RAB7B: variants seen among roughly 807,000 people sequenced by gnomAD.
The protein encoded by RAB7B is RAB7B, member RAS oncogene family.
In RAB7B at chr1:205,988,354, G is replaced by A. The variant is rs1314436357; in HGVS notation, c.397-2689C>T. On this transcript the variant is annotated intron_variant, in intron 4 of 5. Transcript: ENST00000617070. ...AGCGATCCTCCCAGCTCAGCCTTCC[G>A]AGTAGTTCAGACTACAGGTGTGCCA... Among the ~76,000 whole-genome samples, 11 of 150,388 alleles carry A rather than the reference G, an allele frequency of 7.3e-5. No individual in the cohort carries two copies. In the East Asian group the frequency reaches 1.0e-3, roughly 14 times the overall value.
At position 205,987,114 on chromosome 1, in the gene RAB7B, C is replaced by T. The variant is rs992547568; in HGVS notation, c.397-1449G>A. Among the ~76,000 whole-genome samples, 16 of 152,276 alleles carry T rather than the reference C, an allele frequency of 1.1e-4. No homozygotes were observed. The South Asian group carries it at 3.3e-3, about 32-fold the overall frequency. On this transcript the variant is annotated intron_variant, in intron 4 of 5. Transcript: ENST00000617070. Reference sequence around the variant, plus strand: ...TCATTGTGATTATGTTGCAAATTAACATTCTTTTTATATCTCCCCCTCCTC... The same window carrying T: ...TCATTGTGATTATGTTGCAAATTAATATTCTTTTTATATCTCCCCCTCCTC...
chr1:205,988,496 A>G lies in RAB7B; in HGVS notation c.397-2831T>C, dbSNP rs1660657547. Among the ~76,000 whole-genome samples, 5 of 152,268 alleles carry G rather than the reference A, an allele frequency of 3.3e-5. No homozygotes were observed. In the South Asian group the frequency reaches 1.0e-3, roughly 32 times the overall value. Reference sequence around the variant, plus strand: ...GCTATCCCCCGACTTTGGTCTCCCAAGGTGTTGGGATTACAGGCGTGAGCC... The same window carrying G: ...GCTATCCCCCGACTTTGGTCTCCCAGGGTGTTGGGATTACAGGCGTGAGCC... On this transcript the variant is annotated intron_variant, in intron 4 of 5. Transcript: ENST00000617070.
chr1:205,984,407 G>A (rs1256819459), intron 5 of RAB7B, among the ~76,000 whole-genome samples: 4 of 152,282 alleles, frequency 2.6e-5, no homozygotes, highest in South Asian at 2.1e-4. Flanking sequence ...CCATGAGGGC[G>A]GCGGATGCTT....
At chr1:205,988,218 A>G (rs1406068421) in intron 4 of RAB7B, among the ~76,000 whole-genome samples, 1 of 140,294 alleles carries the variant, frequency 7.1e-6, no homozygotes, top group Non-Finnish European at 1.5e-5. Context: ...TGATGTATGT[A>G]TGTGTGTGTG....
At chr1:205,985,320 A>G (rs1424087203) in intron 5 of RAB7B, among the ~76,000 whole-genome samples, 2 of 152,148 alleles carry the variant, frequency 1.3e-5, no homozygotes, top group African/African-American at 2.4e-5. Flanking sequence ...TTGACAGACC[A>G]CTGACTGCAT....
chr1:205,987,499 C>T (rs1267391277), intron 4 of RAB7B, among the ~76,000 whole-genome samples: 2 of 152,212 alleles, frequency 1.3e-5, no homozygotes, highest in African/African-American at 4.8e-5. Context: ...GCTTTTCCAT[C>T]TCATGTGCTT....
chr1:205,990,364 C>A (rs1660700389), intron 4 of RAB7B, among the ~76,000 whole-genome samples: 1 of 152,144 alleles, frequency 6.6e-6, no homozygotes, highest in Non-Finnish European at 1.5e-5. Flanking sequence ...TGTACAACCC[C>A]TGGAGTTTGG....
intron 4 of RAB7B, among the ~76,000 whole-genome samples, chr1:205,992,041 G>A (rs1660730337): frequency 6.6e-6 from 1 of 152,242 alleles, no homozygotes; most frequent in Non-Finnish European, 1.5e-5. Context: ...ACCCCAGGCA[G>A]AAATGCTGTG....
rs1375100352 is a variant in RAB7B at position 205,977,378 on chromosome 1, A to ATTT, written c.*1472_*1473insAAA. ...CAGATGCTGATTTCTTGCCTGAGTCATATATATTGAAGTTTTTGCTCATTT... is the reference window on the plus strand; with the variant it reads ...CAGATGCTGATTTCTTGCCTGAGTCATTTTATATATTGAAGTTTTTGCTCATTT... On this transcript the variant is annotated 3_prime_UTR_variant, in exon 6 of 6. Coordinates refer to ENST00000617070, the MANE Select transcript of RAB7B (RefSeq NM_001164522.3). 6.6e-6 allele frequency: 1 copy of ATTT among 152,164 alleles called. No homozygotes were observed. Among genetic ancestry groups the ATTT allele is most frequent in the African/African-American group, 2.4e-5 (1 of 41,434 alleles). The allele number at this position is 152,164 out of a possible 1,614,324, so 9.4% of individuals were successfully genotyped here.
rs1323973600 is a variant in RAB7B at position 205,981,710 on chromosome 1, A to G, written c.523-2782T>C. ...CAATGTTAACTGAACACCTACTGTG[A>G]TTTCCTTCACAATGTTAACTGAACA... On this transcript the variant is annotated intron_variant, in intron 5 of 5. Coordinates refer to ENST00000617070, the MANE Select transcript of RAB7B (RefSeq NM_001164522.3). 4.9e-3 allele frequency among the ~76,000 whole-genome samples: 234 copies of G among 47,938 alleles called. 23 individuals carry two copies. The highest frequency in any genetic ancestry group is 0.022 in the Middle Eastern group (2 of 92). 31.4% of individuals were successfully genotyped at this position (47,938 alleles called of 152,430 possible).
intron 4 of RAB7B, among the ~76,000 whole-genome samples, chr1:205,990,791 CTTTTT>C (rs1188419083): frequency 7.2e-6 from 1 of 138,646 alleles, no homozygotes; most frequent in Non-Finnish European, 1.5e-5. Context: ...TTCTTTCTTT[CTTTTT>C]TTTTTTTTTG....
rs1467421931 is a variant in RAB7B, at chr1:206,003,323, CTTCTT to C, written c.-92_-88del. 2.0e-5 allele frequency: 3 copies of C among 152,252 alleles called. No individual in the cohort carries two copies. The highest frequency in any genetic ancestry group is 4.4e-5 in the Non-Finnish European group (3 of 68,094). The allele number at this position is 152,252 out of a possible 1,614,324, so 9.4% of individuals were successfully genotyped here. ...GAGTCCTCTCTCAGTCTGGTGGTCT[CTTCTT>C]AGAGCAGTGGTCTCAGCAGGGCCAG... On this transcript the variant is annotated 5_prime_UTR_variant, in exon 1 of 6. Coordinates refer to ENST00000617070, the MANE Select transcript of RAB7B (RefSeq NM_001164522.3).
intron 1 of RAB7B, among the ~76,000 whole-genome samples, chr1:206,000,041 T>TG (rs1239920630): frequency 1.3e-5 from 2 of 152,236 alleles, no homozygotes; most frequent in Non-Finnish European, 2.9e-5. Flanking sequence ...CTCAAAATGT[T>TG]GGCATTACAG....
intron 3 of RAB7B, among the ~76,000 whole-genome samples, chr1:205,993,128 A>G (rs1660752921): frequency 6.6e-6 from 1 of 152,214 alleles, no homozygotes; most frequent in Non-Finnish European, 1.5e-5. Context: ...AATAACAGAT[A>G]GTAAATATTT....
At chr1:205,991,419 C>A (rs1031515350) in intron 4 of RAB7B, among the ~76,000 whole-genome samples, 26 of 152,356 alleles carry the variant, frequency 1.7e-4, no homozygotes, top group African/African-American at 6.3e-4. Flanking sequence ...ACTCGTAGAT[C>A]TCTATTTCCA....
At chr1:206,000,157 G>C (rs1483398991) in intron 1 of RAB7B, among the ~76,000 whole-genome samples, 1 of 152,204 alleles carries the variant, frequency 6.6e-6, no homozygotes, top group Non-Finnish European at 1.5e-5. Context: ...ATCACTGAAC[G>C]TTTTATATAG....
intron 1 of RAB7B, among the ~76,000 whole-genome samples, chr1:205,996,143 A>AGTGTGTGTGT (rs1182397777): frequency 1.1e-4 from 15 of 142,798 alleles, no homozygotes; most frequent in African/African-American, 1.8e-4. Context: ...GTAAATGTAT[A>AGTGTGTGTGT]GTGTGTGTGT....
rs1019568386 is a variant in RAB7B at position 205,988,481 on chromosome 1, G to A, written c.397-2816C>T. Among the ~76,000 whole-genome samples, 22 of 152,230 alleles carry A rather than the reference G, an allele frequency of 1.4e-4. No individual in the cohort carries two copies. In the East Asian group the frequency reaches 2.3e-3, roughly 16 times the overall value. On this transcript the variant is annotated intron_variant, in intron 4 of 5. Coordinates refer to ENST00000617070, the MANE Select transcript of RAB7B (RefSeq NM_001164522.3). Reference sequence around the variant, plus strand: ...AACTCCTGGGCTCAAGCTATCCCCCGACTTTGGTCTCCCAAGGTGTTGGGA... The same window carrying A: ...AACTCCTGGGCTCAAGCTATCCCCCAACTTTGGTCTCCCAAGGTGTTGGGA...
intron 5 of RAB7B, 55 bp from the exon 6 acceptor site, chr1:205,978,983 C>A: frequency 2.5e-6 from 1 of 398,270 alleles, no homozygotes; most frequent in Non-Finnish European, 4.4e-6. Flanking sequence ...AGTGCACCGC[C>A]CGCCCTTCAT....
Sources: gnomAD v4.1 joint callset for allele counts (sites outside exome capture counted in the v4.1 genomes callset) on GRCh38, gnomAD v4.1.1 for gene constraint, MANE v1.5 for transcripts, NCBI Gene and HGNC (gene_info 2026-07-23, HGNC 2026-07-21) for gene names.